Variants in PARD3 observed in about 807,000 individuals in gnomAD.
The protein encoded by PARD3 is par-3 family cell polarity regulator, also known as partitioning defective 3 homolog.
Under a neutral mutation model 155.4 loss-of-function variants are expected in PARD3, and 75 were observed. The ratio of observed to expected loss-of-function variants is 0.48; its 90% CI spans 0.40 to 0.58. The LOEUF is 0.58. Ranked by LOEUF, PARD3 falls within the 20% of genes least tolerant of loss-of-function variation. The pLI, the probability that PARD3 is intolerant of heterozygous loss-of-function variation, is 0.00. For missense variants in PARD3, 1,642 were observed against 1,721.7 expected (o/e 0.95, Z 0.82); for synonymous variants, 576 against 610.5 (o/e 0.94, Z 0.83).
chr10:34,686,991 G>C (rs959437574), intron 2 of PARD3, among the ~76,000 whole-genome samples: 2 of 152,074 alleles, frequency 1.3e-5, no homozygotes, highest in African/African-American at 4.8e-5. Flanking sequence ...AGAGGTTTCA[G>C]TGAGCCGAGA....
At chr10:34,241,451 G>C (rs953734524) in intron 22 of PARD3, among the ~76,000 whole-genome samples, 2 of 152,162 alleles carry the variant, frequency 1.3e-5, no homozygotes, top group African/African-American at 2.4e-5. Flanking sequence ...CAGCGGGAGG[G>C]CACAGGGTGT....
Position 34,227,638 on chromosome 10 carries a change from C to CTAAA in PARD3, c.3419+42015_3419+42018dup, listed in dbSNP as rs908369059. 9.9e-5 allele frequency among the ~76,000 whole-genome samples: 15 copies of CTAAA among 151,896 alleles called. No individual in the cohort carries two copies. The South Asian group carries it at 2.3e-3, about 23-fold the overall frequency. On this transcript the variant is annotated intron_variant, in intron 22 of 24. Transcript: ENST00000374788. ...GGGCAACAAGAGCGAAACTCTGTCT[C>CTAAA]TAAATAAATAAATACATACATAATA...
At chr10:34,221,677 C>T (rs1952302120) in intron 22 of PARD3, among the ~76,000 whole-genome samples, 1 of 152,182 alleles carries the variant, frequency 6.6e-6, no homozygotes, top group Non-Finnish European at 1.5e-5. Context: ...CAACCACTTA[C>T]ACCAAAGATG....
At chr10:34,470,872 T>C (rs1304104405) in intron 3 of PARD3, among the ~76,000 whole-genome samples, 2 of 152,192 alleles carry the variant, frequency 1.3e-5, no homozygotes, top group Non-Finnish European at 2.9e-5. Flanking sequence ...GAAGAGAGGA[T>C]TTGAAATGTT....
At chr10:34,761,217 C>T (rs1244663645) in intron 1 of PARD3, among the ~76,000 whole-genome samples, 1 of 151,950 alleles carries the variant, frequency 6.6e-6, no homozygotes, top group African/African-American at 2.4e-5. Flanking sequence ...TTGAGACCAG[C>T]CTGGCCAACA....
intron 2 of PARD3, among the ~76,000 whole-genome samples, chr10:34,562,123 CAAAAAAAAAA>C (rs3041198): frequency 0.026 from 677 of 26,328 alleles, 23 homozygotes; most frequent in African/African-American, 0.084. Context: ...CTGACTGTCT[CAAAAAAAAAA>C]AAAAAAAAAA....
intron 19 of PARD3, among the ~76,000 whole-genome samples, chr10:34,322,727 C>A (rs1958453522): frequency 6.6e-6 from 1 of 152,048 alleles, no homozygotes; most frequent in South Asian, 2.1e-4. Context: ...GAGGGAGAGG[C>A]CCCAAGAAGC....
At chr10:34,162,461 G>C (rs1949331739) in intron 22 of PARD3, among the ~76,000 whole-genome samples, 1 of 152,176 alleles carries the variant, frequency 6.6e-6, no homozygotes, top group Non-Finnish European at 1.5e-5. Flanking sequence ...AACTAGCTGA[G>C]TGAAGGAGTT....
intron 22 of PARD3, among the ~76,000 whole-genome samples, chr10:34,162,032 TATATGTAC>T (rs1297399022): frequency 6.6e-6 from 1 of 152,188 alleles, no homozygotes. Context: ...ATGCATGACA[TATATGTAC>T]ATATGATAGA....
intron 2 of PARD3, among the ~76,000 whole-genome samples, chr10:34,571,329 AAAC>A (rs1177999588): frequency 1.3e-5 from 2 of 152,226 alleles, no homozygotes; most frequent in Non-Finnish European, 2.9e-5. Context: ...CAACAAGACA[AAAC>A]AAAAAAAGTA....
At chr10:34,128,955 CT>C (rs1448878319) in intron 23 of PARD3, among the ~76,000 whole-genome samples, 2 of 152,108 alleles carry the variant, frequency 1.3e-5, no homozygotes, top group African/African-American at 2.4e-5. Flanking sequence ...ATATGTATTC[CT>C]AACAAGTTTC....
intron 3 of PARD3, among the ~76,000 whole-genome samples, chr10:34,514,768 G>A (rs757064694): frequency 4.6e-5 from 7 of 152,164 alleles, no homozygotes; most frequent in Non-Finnish European, 7.3e-5. Context: ...AAATGTGGAT[G>A]GTTATGTGTT....
intron 2 of PARD3, among the ~76,000 whole-genome samples, chr10:34,687,846 CTT>C (rs397846339): frequency 0.03 from 1,910 of 63,498 alleles, 34 homozygotes; most frequent in African/African-American, 0.12. Context: ...CACCTGAAAT[CTT>C]TTTTTTTTTT....
intron 2 of PARD3, among the ~76,000 whole-genome samples, chr10:34,647,265 G>C (rs1468149278): frequency 6.6e-6 from 1 of 152,068 alleles, no homozygotes; most frequent in African/African-American, 2.4e-5. Flanking sequence ...ATGAGGACAG[G>C]GGCTTTGTCT....
intron 22 of PARD3, among the ~76,000 whole-genome samples, chr10:34,216,673 T>C (rs35423999): frequency 0.027 from 4,189 of 152,348 alleles, 87 homozygotes; most frequent in Non-Finnish European, 0.041. Context: ...GAAAGTTTAG[T>C]CTTAAGAAGT....
At chr10:34,449,508 G>C (rs1019346580) in intron 5 of PARD3, among the ~76,000 whole-genome samples, 1 of 149,864 alleles carries the variant, frequency 6.7e-6, no homozygotes, top group Non-Finnish European at 1.5e-5. Flanking sequence ...GCTAAATGAC[G>C]AGTTAATGGG....
chr10:34,740,584 C>T (rs1243627064), intron 1 of PARD3, among the ~76,000 whole-genome samples: 1 of 152,080 alleles, frequency 6.6e-6, no homozygotes, highest in Non-Finnish European at 1.5e-5. Flanking sequence ...CCATCTCCCC[C>T]TCCCACTCCT....
At chr10:34,744,938 C>T (rs147029671) in intron 1 of PARD3, among the ~76,000 whole-genome samples, 3 of 152,278 alleles carry the variant, frequency 2.0e-5, no homozygotes, top group Admixed American at 6.5e-5. Context: ...CCCAGGAGCT[C>T]GGGCAACTAG....
intron 23 of PARD3, among the ~76,000 whole-genome samples, chr10:34,123,522 G>T (rs957932614): frequency 6.6e-6 from 1 of 152,036 alleles, no homozygotes; most frequent in African/African-American, 2.4e-5. Context: ...GCTCACTGCA[G>T]CCTCAAACTC....
Sources: gnomAD v4.1 joint callset for allele counts (sites outside exome capture counted in the v4.1 genomes callset) on GRCh38, gnomAD v4.1.1 for gene constraint, MANE v1.5 for transcripts, NCBI Gene and HGNC (gene_info 2026-07-23, HGNC 2026-07-21) for gene names.